Variants in TEX9 observed in about 807,000 individuals in gnomAD.
TEX9 encodes the protein testis expressed 9, also known as testis-expressed protein 9.
In TEX9, 74 loss-of-function variants were observed where a neutral mutation model predicts 59.6. The observed-to-expected ratio is 1.24, with a 90% confidence interval of 1.03 to 1.51. The LOEUF is 1.51. Among genes scored for constraint, TEX9 ranks in the 40% most tolerant of loss-of-function variants. TEX9 has a pLI of 0.00. For missense variants in TEX9, 522 were observed against 447.8 expected (o/e 1.17, Z -1.49); for synonymous variants, 186 against 152.2 (o/e 1.22, Z -1.64).
the TEX9 span, among the ~76,000 whole-genome samples, chr15:56,456,830 T>A: frequency 6.6e-6 from 1 of 152,274 alleles, no homozygotes. Flanking sequence ...TTTTTTCCCT[T>A]ATTCTTTTTC....
At chr15:56,315,083 A>C (rs1477736606) in intron 1 of TEX9, among the ~76,000 whole-genome samples, 3 of 151,264 alleles carry the variant, frequency 2.0e-5, no homozygotes, top group African/African-American at 7.3e-5. Context: ...CAGCACAGTG[A>C]TGGGTCTTAA....
At chr15:56,450,490 A>G (rs1169129542), downstream of TEX9, among the ~76,000 whole-genome samples, 1 of 152,218 alleles carries the variant, frequency 6.6e-6, no homozygotes, top group South Asian at 2.1e-4. Flanking sequence ...GATAGTTCAC[A>G]AAAGTGGAAT....
At chr15:56,418,280 C>T (rs1300814173) in intron 10 of TEX9, among the ~76,000 whole-genome samples, 4 of 151,790 alleles carry the variant, frequency 2.6e-5, no homozygotes, top group African/African-American at 9.7e-5. Context: ...TGACATTGAT[C>T]TGTGTGGTTA....
chr15:56,273,434 C>G (rs1191339594), intron 1 of TEX9, among the ~76,000 whole-genome samples: 12 of 152,198 alleles, frequency 7.9e-5, no homozygotes, highest in African/African-American at 2.7e-4. Context: ...ATTCCTCCCT[C>G]CAATCTGTTG....
At chr15:56,352,095 A>G (rs569845354) in intron 1 of TEX9, among the ~76,000 whole-genome samples, 1 of 152,356 alleles carries the variant, frequency 6.6e-6, no homozygotes, top group East Asian at 1.9e-4. Flanking sequence ...AAAATGAACA[A>G]GAATGAAAGA....
intron 4 of TEX9, among the ~76,000 whole-genome samples, chr15:56,385,807 G>T (rs1363400124): frequency 6.6e-6 from 1 of 152,042 alleles, no homozygotes; most frequent in African/African-American, 2.4e-5. Context: ...TATAAGAGGT[G>T]CATAGCCCTA....
At chr15:56,440,083 A>T (rs2050793963) in intron 12 of TEX9, among the ~76,000 whole-genome samples, 1 of 152,156 alleles carries the variant, frequency 6.6e-6, no homozygotes, top group Non-Finnish European at 1.5e-5. Context: ...CAAACAACCC[A>T]ATTAGAGAAT....
At chr15:56,273,095 A>G (rs771454944) in intron 1 of TEX9, among the ~76,000 whole-genome samples, 1 of 151,944 alleles carries the variant, frequency 6.6e-6, no homozygotes, top group South Asian at 2.1e-4. Context: ...CTGGGACTAC[A>G]GGCATGTGCC....
chr15:56,261,680 G>A (rs2044271808), intron 1 of TEX9, among the ~76,000 whole-genome samples: 1 of 152,056 alleles, frequency 6.6e-6, no homozygotes, highest in Non-Finnish European at 1.5e-5. Flanking sequence ...TAACGCCATT[G>A]CACTCCAGCC....
intron 1 of TEX9, among the ~76,000 whole-genome samples, chr15:56,333,134 A>T (rs376857930): frequency 3.9e-5 from 6 of 152,154 alleles, no homozygotes; most frequent in African/African-American, 1.2e-4. Context: ...TATTCTGAAA[A>T]ATAGAGGAGA....
intron 1 of TEX9, among the ~76,000 whole-genome samples, chr15:56,329,383 A>G (rs2046094047): frequency 6.6e-6 from 1 of 152,196 alleles, no homozygotes; most frequent in African/African-American, 2.4e-5. Flanking sequence ...ACACTGATGA[A>G]CATCAACAAA....
rs1018635739 is a variant in TEX9, at chr15:56,440,199, T to C, written c.*30-5472T>C. On this transcript the variant is annotated intron_variant, in intron 12 of 12. Transcript: ENST00000352903. ...TCAGCATCATTAGTCATCAGGAAAA[T>C]GCAAAATAAAACTACAAGGTATCAC... Among the ~76,000 whole-genome samples, 11 of 152,032 alleles carry C rather than the reference T, an allele frequency of 7.2e-5. No homozygotes were observed. The East Asian group carries it at 1.9e-3, about 27-fold the overall frequency.
rs541464490 is a variant in TEX9, at chr15:56,376,237, A to T, written c.183+2733A>T. Among the ~76,000 whole-genome samples, 216 of 152,028 alleles carry T rather than the reference A, an allele frequency of 1.4e-3. 5 individuals are homozygous for T. Among genetic ancestry groups the T allele is most frequent in the Non-Finnish European group, 6.3e-4 (43 of 67,988 alleles). ...AAAGTATAATAATAATAAAATAAAA[A>T]AAAGATATATTGATTTCCCCTCTTT... On this transcript the variant is annotated intron_variant, in intron 3 of 12. Coordinates refer to ENST00000352903, the Ensembl canonical transcript of TEX9.
intron 1 of TEX9, among the ~76,000 whole-genome samples, chr15:56,290,513 A>G (rs1412491136): frequency 1.3e-5 from 2 of 152,098 alleles, no homozygotes; most frequent in African/African-American, 4.8e-5. Flanking sequence ...TAGTGGTGCA[A>G]TCATGGCTCA....
chr15:56,404,618 CA>C (rs2048977563), intron 9 of TEX9, among the ~76,000 whole-genome samples: 1 of 152,170 alleles, frequency 6.6e-6, no homozygotes. Context: ...TTTGACCCAG[CA>C]ATCCCATTAC....
Position 56,318,846 on chromosome 15 carries a change from C to G in TEX9, c.-106-54595C>G, listed in dbSNP as rs545963196. Among the ~76,000 whole-genome samples, 46 of 152,170 alleles carry G rather than the reference C, an allele frequency of 3.0e-4. No individual in the cohort carries two copies. In the Middle Eastern group the frequency reaches 0.021, roughly 68 times the overall value. On this transcript the variant is annotated intron_variant, in intron 1 of 5. Coordinates refer to the TEX9 transcript ENST00000560827. Reference sequence around the variant, plus strand: ...CCTCCTTTGTGCTATTATTGTCACACATGTCATTATATTATAAACCCATCA... The same window carrying G: ...CCTCCTTTGTGCTATTATTGTCACAGATGTCATTATATTATAAACCCATCA...
intron 1 of TEX9, among the ~76,000 whole-genome samples, chr15:56,247,245 A>C (rs2043881046): frequency 6.6e-6 from 1 of 152,232 alleles, no homozygotes; most frequent in African/African-American, 2.4e-5. Flanking sequence ...TTGGGCACGG[A>C]AAATATGAAT....
intron 1 of TEX9, among the ~76,000 whole-genome samples, chr15:56,246,188 A>G (rs565629684): frequency 6.6e-5 from 10 of 152,332 alleles, no homozygotes; most frequent in African/African-American, 1.9e-4. Context: ...CCCAGCAGCC[A>G]CTAGAGGGCT....
At chr15:56,446,764 G>A, downstream of TEX9, 1 of 1,078,108 alleles carries the variant, frequency 9.3e-7, no homozygotes, top group Non-Finnish European at 1.4e-6. Flanking sequence ...TATACAATAT[G>A]ACAATTTTTT....
Sources: gnomAD v4.1 joint callset for allele counts (sites outside exome capture counted in the v4.1 genomes callset) on GRCh38, gnomAD v4.1.1 for gene constraint, MANE v1.5 for transcripts, NCBI Gene and HGNC (gene_info 2026-07-23, HGNC 2026-07-21) for gene names.